ZMAT4: variants seen among roughly 807,000 people sequenced by gnomAD.
The protein encoded by ZMAT4 is zinc finger matrin-type protein 4.
ZMAT4 carries 17 observed loss-of-function variants against 28.7 expected under a neutral mutation model. The ratio of observed to expected loss-of-function variants is 0.59; its 90% CI spans 0.41 to 0.89. The LOEUF (loss-of-function observed/expected upper bound fraction) is 0.89. Ranked by LOEUF, ZMAT4 falls within the 40% of genes least tolerant of loss-of-function variation. The pLI is 0.00. For missense variants in ZMAT4, 240 were observed against 283.8 expected (o/e 0.85, Z 1.11); for synonymous variants, 117 against 109.2 (o/e 1.07, Z -0.44).
intron 5 of ZMAT4, among the ~76,000 whole-genome samples, chr8:40,603,285 G>A (rs577429642): frequency 1.5e-4 from 23 of 152,202 alleles, no homozygotes; most frequent in East Asian, 7.7e-4. Flanking sequence ...TGGTCTATGT[G>A]CCTATTTTTA....
At chr8:40,774,241 T>C (rs1027698939) in intron 2 of ZMAT4, among the ~76,000 whole-genome samples, 1 of 152,178 alleles carries the variant, frequency 6.6e-6, no homozygotes. Context: ...ATAGGAATTG[T>C]AGAAATACTA....
chr8:40,767,056 C>T (rs773486488), intron 3 of ZMAT4, among the ~76,000 whole-genome samples: 5 of 152,170 alleles, frequency 3.3e-5, no homozygotes, highest in Non-Finnish European at 5.9e-5. Context: ...ATTTCATCAG[C>T]CTTTGCCTTG....
At chr8:40,755,562 C>T (rs1812643774) in intron 3 of ZMAT4, among the ~76,000 whole-genome samples, 1 of 152,136 alleles carries the variant, frequency 6.6e-6, no homozygotes, top group African/African-American at 2.4e-5. Flanking sequence ...AAGCAATTCT[C>T]CCACCTCAGC....
intron 3 of ZMAT4, among the ~76,000 whole-genome samples, chr8:40,753,939 G>T (rs1240462767): frequency 2.0e-5 from 3 of 152,290 alleles, no homozygotes; most frequent in East Asian, 3.9e-4. Flanking sequence ...TGTAATCCCA[G>T]TGTTTTGGGA....
At chr8:40,840,787 G>A (rs1289246383) in intron 1 of ZMAT4, among the ~76,000 whole-genome samples, 1 of 152,156 alleles carries the variant, frequency 6.6e-6, no homozygotes. Context: ...CCGAATTCTG[G>A]TTCCCATTCT....
intron 3 of ZMAT4, among the ~76,000 whole-genome samples, chr8:40,719,608 C>T (rs990826429): frequency 6.6e-6 from 1 of 151,938 alleles, no homozygotes; most frequent in Admixed American, 6.6e-5. Context: ...GAGACGGAGT[C>T]ACCCAGGCTG....
chr8:40,715,300 T>C (rs746034579), intron 3 of ZMAT4, among the ~76,000 whole-genome samples: 22 of 151,934 alleles, frequency 1.4e-4, no homozygotes, highest in Non-Finnish European at 2.9e-4. Flanking sequence ...AAATGATAAC[T>C]ACCAAACAGA....
At chr8:40,884,062 T>G (rs767759946) in intron 1 of ZMAT4, among the ~76,000 whole-genome samples, 1 of 152,196 alleles carries the variant, frequency 6.6e-6, no homozygotes, top group African/African-American at 2.4e-5. Flanking sequence ...TCGCTCTGTG[T>G]GCAGGGAGCA....
intron 2 of ZMAT4, among the ~76,000 whole-genome samples, chr8:40,805,660 AT>A (rs1235378616): frequency 6.8e-6 from 1 of 148,122 alleles, no homozygotes; most frequent in Non-Finnish European, 1.5e-5. Context: ...GAAATCGGAA[AT>A]CATCATTCTC....
chr8:40,565,573 T>C (rs1803894490), intron 6 of ZMAT4, among the ~76,000 whole-genome samples: 1 of 151,768 alleles, frequency 6.6e-6, no homozygotes, highest in Admixed American at 6.6e-5. Flanking sequence ...AGATGGGATT[T>C]CACCATGTTG....
intron 5 of ZMAT4, among the ~76,000 whole-genome samples, chr8:40,651,446 G>C (rs1289741503): frequency 2.7e-5 from 4 of 149,024 alleles, no homozygotes; most frequent in South Asian, 2.2e-4. Flanking sequence ...ACAAATGGAA[G>C]AACATTCCAT....
chr8:40,734,173 G>A (rs1380486066), intron 3 of ZMAT4, among the ~76,000 whole-genome samples: 3 of 152,166 alleles, frequency 2.0e-5, no homozygotes, highest in Non-Finnish European at 4.4e-5. Flanking sequence ...ATAGGCACAC[G>A]TTTGGCATTT....
At chr8:40,717,666 A>T (rs955017445) in intron 3 of ZMAT4, among the ~76,000 whole-genome samples, 1 of 152,186 alleles carries the variant, frequency 6.6e-6, no homozygotes, top group African/African-American at 2.4e-5. Context: ...GTCTCTAAAA[A>T]GCAAACAAAA....
At chr8:40,855,060 C>A (rs1161491332) in intron 1 of ZMAT4, among the ~76,000 whole-genome samples, 1 of 152,146 alleles carries the variant, frequency 6.6e-6, no homozygotes, top group Non-Finnish European at 1.5e-5. Flanking sequence ...ATATCTGAAA[C>A]TCCCACAGCT....
chr8:40,618,183 A>G (rs190669868), intron 5 of ZMAT4, among the ~76,000 whole-genome samples: 33 of 152,306 alleles, frequency 2.2e-4, no homozygotes, highest in Non-Finnish European at 4.0e-4. Flanking sequence ...GACTTTTCAG[A>G]CTCAATATTT....
intron 1 of ZMAT4, among the ~76,000 whole-genome samples, chr8:40,827,157 G>T (rs985440981): frequency 1.3e-5 from 2 of 152,154 alleles, no homozygotes; most frequent in Non-Finnish European, 2.9e-5. Context: ...ATCCATCCTA[G>T]GTCTGATGCT....
At chr8:40,642,555 A>G (rs1284682977) in intron 5 of ZMAT4, among the ~76,000 whole-genome samples, 2 of 152,150 alleles carry the variant, frequency 1.3e-5, no homozygotes, top group Non-Finnish European at 2.9e-5. Context: ...ATCTAGTACC[A>G]AGGTAAAGAT....
At chr8:40,740,978 C>T (rs192768708) in intron 3 of ZMAT4, among the ~76,000 whole-genome samples, 2 of 142,966 alleles carry the variant, frequency 1.4e-5, no homozygotes, top group African/African-American at 5.3e-5. Flanking sequence ...ACAGCACTAA[C>T]CTTTGATAAA....
intron 2 of ZMAT4, among the ~76,000 whole-genome samples, chr8:40,772,498 A>G (rs949077757): frequency 6.6e-6 from 1 of 152,186 alleles, no homozygotes; most frequent in Non-Finnish European, 1.5e-5. Flanking sequence ...TTCACAACTC[A>G]AATTTGCTTC....
Sources: allele counts gnomAD v4.1 joint callset (sites outside exome capture counted in the v4.1 genomes callset), GRCh38; gene constraint gnomAD v4.1.1; transcripts MANE v1.5; gene names NCBI Gene and HGNC (gene_info 2026-07-23, HGNC 2026-07-21).